PSG2: variants seen among roughly 807,000 people sequenced by gnomAD.
PSG2 encodes the protein pregnancy-specific beta-1-glycoprotein 2.
A neutral mutation model predicts 36.2 loss-of-function variants in PSG2; 49 were observed. That is an observed-to-expected ratio of 1.35 (90% CI 1.08 to 1.72). The LOEUF is 1.72. Among genes scored for constraint, PSG2 ranks in the 40% most tolerant of loss-of-function variants. PSG2 has a pLI of 0.00. For missense variants in PSG2, 605 were observed against 407.2 expected (o/e 1.49, Z -4.18); for synonymous variants, 261 against 155.6 (o/e 1.68, Z -5.04).
At chr19:43,065,464 T>G (rs1967727332) in intron 5 of PSG2, 1 of 151,620 alleles carries the variant, frequency 6.6e-6, no homozygotes, top group Non-Finnish European at 1.5e-5. Context: ...CAGGGAAGAC[T>G]TAAAAATTAC....
chr19:43,082,401 A>C (rs748854377), intron 1 of PSG2, 105 bp downstream of exon 1: 12 of 1,521,756 alleles, frequency 7.9e-6, no homozygotes, highest in Non-Finnish European at 1.1e-5. Context: ...CAGCCTCCCT[A>C]AGTGCTGGCT....
rs1221490095 is a variant in PSG2 at position 43,066,333 on chromosome 19, A to G, written c.*40+184T>C. Among the ~76,000 whole-genome samples the G allele has an allele frequency of 2.6e-5, 4 of 151,708 alleles. 1 individual carries two copies. The East Asian group carries it at 7.7e-4, about 29-fold the overall frequency. On this transcript the variant is annotated intron_variant, in intron 5 of 5. Transcript: ENST00000406487. ...CTGGAGATAATTATGTCTAAAAGAC[A>G]GTGGGGTACAGGGAGCATAAAGGCC...
chr19:43,080,334 G>T (rs1304064928), intron 2 of PSG2, among the ~76,000 whole-genome samples: 1 of 151,718 alleles, frequency 6.6e-6, no homozygotes, highest in Non-Finnish European at 1.5e-5. Context: ...AGGCTCTGAG[G>T]GCTGAGCCCT....
At chr19:43,075,963 G>A (rs1967890163) in intron 2 of PSG2, among the ~76,000 whole-genome samples, 1 of 151,498 alleles carries the variant, frequency 6.6e-6, no homozygotes, top group Admixed American at 6.6e-5. Context: ...CCACCTTGTG[G>A]TCCTCACTTG....
intron 2 of PSG2, among the ~76,000 whole-genome samples, chr19:43,076,558 G>A (rs1206599653): frequency 6.6e-6 from 1 of 151,778 alleles, no homozygotes; most frequent in Non-Finnish European, 1.5e-5. Context: ...AAGTCTTGCA[G>A]ATACTTTCAT....
intron 4 of PSG2, among the ~76,000 whole-genome samples, chr19:43,067,094 TCTCCGAGG>T (rs1354411798): frequency 6.6e-6 from 1 of 151,430 alleles, no homozygotes; most frequent in African/African-American, 2.4e-5. Context: ...CAAGCCTAGT[TCTCCGAGG>T]CTCTCTTTAA....
intron 3 of PSG2, chr19:43,072,356 A>C: frequency 6.2e-7 from 1 of 1,612,556 alleles, no homozygotes; most frequent in Non-Finnish European, 8.5e-7. Flanking sequence ...GATACAGAGG[A>C]CATTCAGGGT....
rs140751174 is a variant in PSG2, at chr19:43,075,565, G to A, written c.498C>T (p.Ile166=). The A allele has an allele frequency of 4.3e-5, 69 of 1,613,242 alleles. 2 individuals are homozygous for A. The highest frequency in any genetic ancestry group is 5.3e-5 in the Non-Finnish European group (63 of 1,179,798). Residue 166 remains isoleucine, a synonymous_variant, in exon 3 of 6, where the codon ATC becomes ATT. Transcript: ENST00000406487. ...LNPREAMETV[I]LTCDPETPDT... ...CCGGAGTCTCAGGATCACAGGTTAA[G>A]ATCACAGTTTCCATGGCCTCCCTGG... is the stretch of plus-strand genomic sequence containing the variant.
At chr19:43,081,763 T>G (rs1461365411) in intron 1 of PSG2, 1 of 162,822 alleles carries the variant, frequency 6.1e-6, no homozygotes, top group African/African-American at 2.4e-5. Flanking sequence ...TGATCTTGGT[T>G]GCACCCCAGT....
chr19:43,076,448 C>A (rs373234122), intron 2 of PSG2, among the ~76,000 whole-genome samples: 1 of 151,712 alleles, frequency 6.6e-6, no homozygotes, highest in Non-Finnish European at 1.5e-5. Flanking sequence ...TTTGCAAATG[C>A]GAAACTGACT....
intron 2 of PSG2, among the ~76,000 whole-genome samples, chr19:43,078,794 G>T (rs10417596): frequency 0.15 from 23,348 of 151,354 alleles, 3,626 homozygotes; most frequent in African/African-American, 0.38. Flanking sequence ...TAATTTTTTT[G>T]TGTGTGTGTG....
At chr19:43,072,172 C>A in intron 3 of PSG2, among the ~76,000 whole-genome samples, 1 of 151,648 alleles carries the variant, frequency 6.6e-6, no homozygotes, top group African/African-American at 2.4e-5. Flanking sequence ...CGTCCACTCC[C>A]CTTATATTCT....
At chr19:43,070,247 G>C (rs766752166) in intron 4 of PSG2, among the ~76,000 whole-genome samples, 1 of 151,748 alleles carries the variant, frequency 6.6e-6, no homozygotes, top group Non-Finnish European at 1.5e-5. Context: ...GTGCATTGCT[G>C]ATGGGAATGG....
rs778578365 is a variant in PSG2, at chr19:43,071,955, C to A, written c.710-1G>T. 2.2e-5 allele frequency: 35 copies of A among 1,611,974 alleles called. No individual in the cohort carries two copies. The highest frequency in any genetic ancestry group is 2.7e-5 in the Non-Finnish European group (32 of 1,178,978). ...TGAATTCTGGGGAGGTCTGGACCAT[C>A]TGGAGCAAAGAGAATAAAGCCACAG... On this transcript the variant is annotated splice_acceptor_variant, in intron 3 of 5. Coordinates refer to ENST00000406487, the MANE Select transcript of PSG2 (RefSeq NM_031246.4). LOFTEE classifies it high-confidence loss of function.
At chr19:43,069,987 C>A (rs1432624834) in intron 4 of PSG2, among the ~76,000 whole-genome samples, 1 of 151,712 alleles carries the variant, frequency 6.6e-6, no homozygotes, top group African/African-American at 2.4e-5. Flanking sequence ...AAGTCAACAA[C>A]AGCAAACATC....
rs567733632 is a variant in PSG2 at position 43,077,125 on chromosome 19, T to G, written c.431-1493A>C. Among the ~76,000 whole-genome samples the G allele has an allele frequency of 2.9e-3, 447 of 151,826 alleles. 10 individuals carry two copies. Among genetic ancestry groups the G allele is most frequent in the Middle Eastern group, 0.01 (3 of 294 alleles). The stretch of plus-strand genomic sequence containing the variant: ...TGTTTTCATAAGTGGAAATTTTTAC[T>G]GATGATCCAAACATCTAAGATCAAT... On this transcript the variant is annotated intron_variant, in intron 2 of 5. Coordinates refer to ENST00000406487, the MANE Select transcript of PSG2 (RefSeq NM_031246.4).
At chr19:43,078,443 T>C (rs1028075765) in intron 2 of PSG2, among the ~76,000 whole-genome samples, 1 of 151,816 alleles carries the variant, frequency 6.6e-6, no homozygotes, top group African/African-American at 2.4e-5. Flanking sequence ...ATCACTATTA[T>C]AGAAGTTGAG....
chr19:43,076,906 C>G lies in PSG2; in HGVS notation c.431-1274G>C, dbSNP rs942670691. ...GAAAAATTTAAAATCCACAATGCGC[C>G]AGTGAGCACTTCTTTTTAGCATCAC... On this transcript the variant is annotated intron_variant, in intron 2 of 5. Coordinates refer to ENST00000406487, the MANE Select transcript of PSG2 (RefSeq NM_031246.4). Among the ~76,000 whole-genome samples the G allele has an allele frequency of 2.0e-5, 3 of 151,420 alleles. 1 individual carries two copies. The highest frequency in any genetic ancestry group is 4.4e-5 in the Non-Finnish European group (3 of 67,970).
Position 43,066,572 on chromosome 19 carries a change from G to A in PSG2, c.993C>T (p.Leu331=). The change falls in exon 5 of 6, where the codon CTC becomes CTT. Residue 331 remains leucine, a synonymous_variant. Coordinates refer to ENST00000406487, the MANE Select transcript of PSG2 (RefSeq NM_031246.4). ...ATCACAGCTGCTATGTTGGATTAAG[G>A]AGAGGAAGAAGTCCTATTCTTGTAG... ...SASTRIGLLP[L]LNPT is the part of the protein sequence containing the mutation. 1 of 1,601,798 alleles carries A rather than the reference G, an allele frequency of 6.2e-7. No homozygotes were observed. The highest frequency in any genetic ancestry group is 8.6e-7 in the Non-Finnish European group (1 of 1,169,516).
Sources: allele counts gnomAD v4.1 joint callset (sites outside exome capture counted in the v4.1 genomes callset), GRCh38; gene constraint gnomAD v4.1.1; transcripts MANE v1.5; gene names NCBI Gene and HGNC (gene_info 2026-07-23, HGNC 2026-07-21).